Variants in ATL1 observed in about 807,000 individuals in gnomAD.
ATL1 encodes atlastin GTPase 1.
ATL1 carries 31 observed loss-of-function variants against 75.5 expected under a neutral mutation model. That is an observed-to-expected ratio of 0.41 (90% confidence interval 0.31 to 0.55). ATL1 has a LOEUF of 0.55. ATL1 is among the 20% of genes least tolerant of loss of function. The pLI, the probability that ATL1 is intolerant of heterozygous loss-of-function variation, is 0.27. For synonymous variants in ATL1, 226 were observed against 233.3 expected, an observed-to-expected ratio of 0.97 and a Z score of 0.28; for missense variants, 405 against 662.6, an observed-to-expected ratio of 0.61 and a Z score of 4.27.
chr14:50,571,945 T>C, intron 1 of ATL1: 1 of 386,340 alleles, frequency 2.6e-6, no homozygotes, highest in South Asian at 2.4e-5. Context: ...ATGATGGTAC[T>C]ATTTCCTTGC....
chr14:50,626,770 C>T (rs535442860), intron 11 of ATL1, among the ~76,000 whole-genome samples: 1 of 152,300 alleles, frequency 6.6e-6, no homozygotes, highest in South Asian at 2.1e-4. Flanking sequence ...GAATTATTCT[C>T]TTCTGGCCAT....
At chr14:50,573,326 T>C (rs1284917806) in intron 1 of ATL1, among the ~76,000 whole-genome samples, 1 of 152,210 alleles carries the variant, frequency 6.6e-6, no homozygotes, top group Non-Finnish European at 1.5e-5. Flanking sequence ...CCACTTTCTA[T>C]GGTAATGGAA....
chr14:50,615,068 G>A (rs1003395787), intron 8 of ATL1, among the ~76,000 whole-genome samples: 1 of 152,144 alleles, frequency 6.6e-6, no homozygotes, highest in Non-Finnish European at 1.5e-5. Context: ...GTCTTTAATA[G>A]AGGACTGATT....
At chr14:50,629,509 A>C (rs1343173436) in intron 12 of ATL1, among the ~76,000 whole-genome samples, 2 of 149,138 alleles carry the variant, frequency 1.3e-5, no homozygotes, top group African/African-American at 5.0e-5. Flanking sequence ...TGAACCCAGA[A>C]GGCGGAGGTT....
chr14:50,573,575 T>C (rs1333878920), intron 1 of ATL1, among the ~76,000 whole-genome samples: 1 of 152,244 alleles, frequency 6.6e-6, no homozygotes, highest in Admixed American at 6.5e-5. Context: ...AAATATCTCA[T>C]GTACATTTGA....
chr14:50,560,590 C>T (rs992517772), intron 1 of ATL1: 6 of 464,346 alleles, frequency 1.3e-5, no homozygotes, highest in South Asian at 1.1e-4. Context: ...ACAGCACCCA[C>T]CAGGCGCCTC....
chr14:50,610,599 T>A (rs1326619359), intron 6 of ATL1, among the ~76,000 whole-genome samples: 1 of 152,094 alleles, frequency 6.6e-6, no homozygotes, highest in African/African-American at 2.4e-5. Flanking sequence ...AATATAACAC[T>A]AAAGCCAAAC....
At chr14:50,535,491 T>A (rs1205293951) in intron 1 of ATL1, among the ~76,000 whole-genome samples, 1 of 152,264 alleles carries the variant, frequency 6.6e-6, no homozygotes, top group Non-Finnish European at 1.5e-5. Context: ...TTCAGTTGAC[T>A]GCTCTATAGA....
intron 7 of ATL1, 81 bp from the exon 8 acceptor site, chr14:50,614,292 A>T (rs1458374029): frequency 1.4e-6 from 2 of 1,461,364 alleles, no homozygotes; most frequent in Non-Finnish European, 1.9e-6. Flanking sequence ...CCAAACAGAC[A>T]TAGCAAATAT....
At chr14:50,551,625 A>G (rs2038703813) in intron 1 of ATL1, among the ~76,000 whole-genome samples, 1 of 152,192 alleles carries the variant, frequency 6.6e-6, no homozygotes, top group African/African-American at 2.4e-5. Flanking sequence ...AAAAAATTGT[A>G]ACAAAATACT....
Position 50,628,212 on chromosome 14 carries a change from A to T in ATL1, c.1301A>T (p.Lys434Met). 6.2e-7 allele frequency: 1 copy of T among 1,614,224 alleles called. No homozygotes were observed. Among genetic ancestry groups the T allele is most frequent in the Non-Finnish European group, 8.5e-7 (1 of 1,180,028 alleles). The change falls in exon 12 of 14, where the codon AAG (lysine) becomes ATG (methionine). Residue 434 changes from lysine to methionine, a missense_variant. By Grantham distance (95) the Lys-to-Met change is moderately conservative. Transcript: ENST00000358385. ...GATGAACTTTACATCCAATATATCA[A>T]GCACAATGATAGCAAAAATATCTTC... ...EIDELYIQYIKHNDSKNIFHA... is the reference protein window; with the variant it reads ...EIDELYIQYIMHNDSKNIFHA...
intron 6 of ATL1, among the ~76,000 whole-genome samples, chr14:50,601,987 T>A (rs1172875227): frequency 6.6e-6 from 1 of 152,234 alleles, no homozygotes; most frequent in Non-Finnish European, 1.5e-5. Flanking sequence ...TGAGTTTTTC[T>A]TTCTTGGTCA....
At chr14:50,584,640 C>T (rs1160729108) in intron 1 of ATL1, among the ~76,000 whole-genome samples, 1 of 151,778 alleles carries the variant, frequency 6.6e-6, no homozygotes, top group Non-Finnish European at 1.5e-5. Flanking sequence ...ACCCGGGAGG[C>T]GGAGCTTGCA....
chr14:50,570,114 T>G (rs982747082), intron 1 of ATL1, among the ~76,000 whole-genome samples: 1 of 152,228 alleles, frequency 6.6e-6, no homozygotes, highest in African/African-American at 2.4e-5. Flanking sequence ...CAGCTATTAT[T>G]CTACAAATAA....
intron 6 of ATL1, among the ~76,000 whole-genome samples, chr14:50,600,311 C>T (rs1030332365): frequency 1.3e-5 from 2 of 150,394 alleles, no homozygotes; most frequent in Admixed American, 1.3e-4. Context: ...TAAGAGATTA[C>T]CCTAGTTAGT....
intron 1 of ATL1, among the ~76,000 whole-genome samples, chr14:50,552,497 A>T (rs979252136): frequency 6.6e-6 from 1 of 152,218 alleles, no homozygotes; most frequent in Non-Finnish European, 1.5e-5. Context: ...ATCATTCTTC[A>T]CAGAACTAGA....
At chr14:50,568,044 T>G (rs2038920728) in intron 1 of ATL1, among the ~76,000 whole-genome samples, 1 of 152,322 alleles carries the variant, frequency 6.6e-6, no homozygotes, top group Admixed American at 6.5e-5. Context: ...TTGCACGTCT[T>G]TATTTCCTTT....
intron 6 of ATL1, among the ~76,000 whole-genome samples, chr14:50,596,572 A>T (rs1328339079): frequency 6.6e-6 from 1 of 152,238 alleles, no homozygotes; most frequent in African/African-American, 2.4e-5. Flanking sequence ...AGTTTACCAC[A>T]TATTAAGCCA....
At chr14:50,627,343 T>TA (rs1281007251) in intron 11 of ATL1, among the ~76,000 whole-genome samples, 5 of 152,080 alleles carry the variant, frequency 3.3e-5, no homozygotes, top group African/African-American at 9.7e-5. Context: ...AATTAGGAAA[T>TA]AAAAAAAATC....
Sources: allele counts gnomAD v4.1 joint callset (sites outside exome capture counted in the v4.1 genomes callset), GRCh38; gene constraint gnomAD v4.1.1; transcripts MANE v1.5; gene names NCBI Gene and HGNC (gene_info 2026-07-23, HGNC 2026-07-21).